Variants in FSTL5 observed in about 807,000 individuals in gnomAD.
FSTL5 encodes the protein follistatin-related protein 5.
Under a neutral mutation model 89.1 loss-of-function variants are expected in FSTL5, and 62 were observed. That is an observed-to-expected ratio of 0.70 (90% CI 0.57 to 0.86). The LOEUF (loss-of-function observed/expected upper bound fraction) is 0.86, where lower values mean the gene tolerates loss of function less well. FSTL5 is among the 40% of genes least tolerant of loss of function. The pLI, the probability that FSTL5 is intolerant of heterozygous loss-of-function variation, is 0.00. For missense variants in FSTL5, 1,057 were observed against 1,001.6 expected, an observed-to-expected ratio of 1.06 and a Z score of -0.75; for synonymous variants, 383 against 346.2, an observed-to-expected ratio of 1.11 and a Z score of -1.18.
intron 8 of FSTL5, among the ~76,000 whole-genome samples, chr4:161,561,257 A>G (rs1270948765): frequency 6.6e-6 from 1 of 152,026 alleles, no homozygotes; most frequent in East Asian, 1.9e-4. Flanking sequence ...TATTTGTTAC[A>G]GGAATTTGAC....
chr4:161,941,301 T>C (rs1242683274), intron 3 of FSTL5, among the ~76,000 whole-genome samples: 1 of 151,878 alleles, frequency 6.6e-6, no homozygotes, highest in Non-Finnish European at 1.5e-5. Context: ...TTCCTTACCA[T>C]TAATTACTTT....
chr4:161,655,196 T>C (rs1271391150), intron 7 of FSTL5, among the ~76,000 whole-genome samples: 1 of 152,166 alleles, frequency 6.6e-6, no homozygotes, highest in African/African-American at 2.4e-5. Context: ...TTATTGATAA[T>C]TATAGATATT....
At chr4:162,147,737 G>T (rs113714557) in intron 1 of FSTL5, among the ~76,000 whole-genome samples, 3,897 of 152,210 alleles carry the variant, frequency 0.026, 171 homozygotes, top group African/African-American at 0.088. Context: ...TTTGGGCCAG[G>T]AGCGGTGGCT....
intron 6 of FSTL5, among the ~76,000 whole-genome samples, chr4:161,666,523 C>T (rs1736897350): frequency 6.6e-6 from 1 of 152,022 alleles, no homozygotes; most frequent in Non-Finnish European, 1.5e-5. Context: ...TTTCCAAGGA[C>T]CAAGTTAGCC....
intron 3 of FSTL5, among the ~76,000 whole-genome samples, chr4:161,932,062 G>A (rs1734300783): frequency 6.6e-6 from 1 of 151,912 alleles, no homozygotes; most frequent in African/African-American, 2.4e-5. Context: ...TGTAGTGGCA[G>A]TATTTGAATA....
rs1731702051 is a variant in FSTL5, at chr4:161,538,277, T to A, written c.1201A>T (p.Ser401Cys). Reference protein sequence around the residue: ...LQANGSEVHISNVRYEDTGAY... With the variant: ...LQANGSEVHICNVRYEDTGAY... ...CCAGTATCTTCATAGCGCACATTGC[T>A]TATGTGAACCTCACTGCCATTTGCT... is the stretch of plus-strand genomic sequence containing the variant. Residue 401 changes from serine (S) to cysteine (C), a missense_variant, in exon 10 of 16, where the codon AGC becomes TGC. This residue lies in a region of FSTL5 where 980 missense variants were observed against 903.2 expected (regional missense o/e 1.08). Coordinates refer to ENST00000306100, the MANE Select transcript of FSTL5 (RefSeq NM_020116.5). 7.4e-6 allele frequency: 12 copies of A among 1,613,964 alleles called. No homozygotes were observed. Among genetic ancestry groups the A allele is most frequent in the Non-Finnish European group, 1.0e-5 (12 of 1,179,892 alleles).
At chr4:162,072,597 CATT>C (rs980320648) in intron 2 of FSTL5, among the ~76,000 whole-genome samples, 5 of 151,692 alleles carry the variant, frequency 3.3e-5, no homozygotes, top group Non-Finnish European at 5.9e-5. Context: ...TCAGTGAAAA[CATT>C]ATTAACAAAT....
At chr4:161,726,200 A>C (rs1323821539) in intron 6 of FSTL5, among the ~76,000 whole-genome samples, 1 of 149,780 alleles carries the variant, frequency 6.7e-6, no homozygotes, top group Non-Finnish European at 1.5e-5. Flanking sequence ...ATTAGGATGC[A>C]ACTCTTTTTT....
chr4:162,069,722 T>C (rs781420860), intron 2 of FSTL5, among the ~76,000 whole-genome samples: 14 of 151,950 alleles, frequency 9.2e-5, no homozygotes, highest in Non-Finnish European at 1.6e-4. Flanking sequence ...ATGACAAGAT[T>C]TCACTCCTGT....
At chr4:161,485,252 A>G (rs915123290) in intron 12 of FSTL5, among the ~76,000 whole-genome samples, 5 of 152,204 alleles carry the variant, frequency 3.3e-5, no homozygotes, top group African/African-American at 1.2e-4. Flanking sequence ...TATTTAAATT[A>G]TTTCTGCCTG....
chr4:161,896,469 A>ACACACACACC (rs1733161068), intron 4 of FSTL5, among the ~76,000 whole-genome samples: 1 of 152,082 alleles, frequency 6.6e-6, no homozygotes, highest in African/African-American at 2.4e-5. Flanking sequence ...CCTTCCACAT[A>ACACACACACC]CACACACACC....
At chr4:162,095,152 A>G (rs1325268130) in intron 2 of FSTL5, among the ~76,000 whole-genome samples, 1 of 152,118 alleles carries the variant, frequency 6.6e-6, no homozygotes, top group Admixed American at 6.6e-5. Flanking sequence ...ATACTTCATT[A>G]TGTATAACTA....
intron 15 of FSTL5, among the ~76,000 whole-genome samples, chr4:161,414,440 A>T (rs991238191): frequency 6.6e-6 from 1 of 152,210 alleles, no homozygotes; most frequent in South Asian, 2.1e-4. Flanking sequence ...AAATAAGTTA[A>T]AATAAATTAA....
chr4:161,799,127 T>C (rs1222133518), intron 4 of FSTL5, among the ~76,000 whole-genome samples: 6 of 151,802 alleles, frequency 4.0e-5, no homozygotes, highest in Admixed American at 3.9e-4. Context: ...AGGAGTCATT[T>C]GATCTTTCCA....
At chr4:161,821,288 T>C (rs1730485446) in intron 4 of FSTL5, among the ~76,000 whole-genome samples, 1 of 152,120 alleles carries the variant, frequency 6.6e-6, no homozygotes, top group Non-Finnish European at 1.5e-5. Context: ...TCTGCCTGTC[T>C]CAACCTCCCA....
intron 3 of FSTL5, among the ~76,000 whole-genome samples, chr4:161,971,491 A>T (rs1001562969): frequency 1.3e-5 from 2 of 152,184 alleles, no homozygotes; most frequent in Non-Finnish European, 2.9e-5. Context: ...CCCAGAGAAT[A>T]CATTCTCATA....
intron 3 of FSTL5, among the ~76,000 whole-genome samples, chr4:162,011,977 A>C (rs563063251): frequency 6.6e-6 from 1 of 152,184 alleles, no homozygotes; most frequent in South Asian, 2.1e-4. Context: ...TTATCTAGCA[A>C]TTCACAAGCT....
chr4:161,772,019 C>A (rs2126800675), intron 5 of FSTL5, among the ~76,000 whole-genome samples: 1 of 152,210 alleles, frequency 6.6e-6, no homozygotes, highest in Non-Finnish European at 1.5e-5. Flanking sequence ...GCTATGACAA[C>A]CTGCTAGCTG....
At chr4:162,096,598 T>C (rs944609497) in intron 2 of FSTL5, among the ~76,000 whole-genome samples, 2 of 151,848 alleles carry the variant, frequency 1.3e-5, no homozygotes, top group Non-Finnish European at 2.9e-5. Context: ...GACTCATAGA[T>C]GCCTACATAC....
Sources: gnomAD v4.1 joint callset for allele counts (sites outside exome capture counted in the v4.1 genomes callset) on GRCh38, gnomAD v4.1.1 for gene constraint, gnomAD v4.1.1 regional missense constraint, MANE v1.5 for transcripts, NCBI Gene and HGNC (gene_info 2026-07-23, HGNC 2026-07-21) for gene names.